The following FANCC variants were observed in gnomAD, a reference collection of about 807,000 sequenced individuals.
FANCC encodes Fanconi anemia group C protein.
Under a neutral mutation model 71.3 loss-of-function variants are expected in FANCC, and 55 were observed. That is an observed-to-expected ratio of 0.77 (90% CI 0.62 to 0.97). The LOEUF (loss-of-function observed/expected upper bound fraction) is 0.97, where lower values mean the gene tolerates loss of function less well. Among genes scored for constraint, FANCC ranks in the 50% least tolerant of loss-of-function variants. The pLI, the probability that FANCC is intolerant of heterozygous loss-of-function variation, is 0.00. For missense variants in FANCC, 678 were observed against 670.9 expected (o/e 1.01, Z -0.12); for synonymous variants, 275 against 244.9 (o/e 1.12, Z -1.15).
intron 11 of FANCC, among the ~76,000 whole-genome samples, chr9:95,117,106 CT>C (rs553781865): frequency 1.4e-4 from 22 of 152,258 alleles, no homozygotes; most frequent in African/African-American, 4.8e-4. Flanking sequence ...TTGTTTTCTT[CT>C]TTTGGTAAGT....
intron 1 of FANCC, among the ~76,000 whole-genome samples, chr9:95,295,549 A>C (rs1588432181): frequency 6.6e-6 from 1 of 152,292 alleles, no homozygotes; most frequent in Middle Eastern, 3.4e-3. Context: ...ATAAGAGAGG[A>C]TCATCTGAGG....
At chr9:95,254,435 G>A (rs1297103001) in intron 1 of FANCC, among the ~76,000 whole-genome samples, 1 of 152,200 alleles carries the variant, frequency 6.6e-6, no homozygotes, top group African/African-American at 2.4e-5. Flanking sequence ...AGGGTGAGCA[G>A]AAGCCAGGTG....
intron 6 of FANCC, among the ~76,000 whole-genome samples, chr9:95,152,740 G>A (rs980629563): frequency 2.0e-5 from 3 of 152,044 alleles, no homozygotes; most frequent in Admixed American, 6.6e-5. Flanking sequence ...TCCATCACCC[G>A]AGTAGACTGC....
At chr9:95,186,844 T>G (rs1244120109) in intron 4 of FANCC, among the ~76,000 whole-genome samples, 2 of 146,578 alleles carry the variant, frequency 1.4e-5, no homozygotes, top group Middle Eastern at 3.7e-3. Context: ...CAGGCTGGAG[T>G]GCAGTGGCGT....
chr9:95,115,028 C>A (rs948335827), intron 11 of FANCC, among the ~76,000 whole-genome samples: 2 of 152,190 alleles, frequency 1.3e-5, no homozygotes, highest in African/African-American at 4.8e-5. Flanking sequence ...GCAGCCCCAA[C>A]CTCCTGGGCT....
intron 1 of FANCC, among the ~76,000 whole-genome samples, chr9:95,282,494 T>C (rs1833437498): frequency 6.6e-6 from 1 of 152,074 alleles, no homozygotes; most frequent in South Asian, 2.1e-4. Context: ...GTAGAAGAGT[T>C]TAACACCCTA....
chr9:95,194,021 G>A (rs974978264), intron 4 of FANCC, among the ~76,000 whole-genome samples: 1 of 152,166 alleles, frequency 6.6e-6, no homozygotes, highest in Admixed American at 6.5e-5. Context: ...AGTACCATTA[G>A]TGACCCTGAG....
chr9:95,182,557 A>C (rs1245814326), intron 4 of FANCC, among the ~76,000 whole-genome samples: 4 of 152,144 alleles, frequency 2.6e-5, no homozygotes. Context: ...TCCCTTATTT[A>C]TTCATTCAAC....
At chr9:95,149,332 G>A (rs1829969813) in intron 7 of FANCC, among the ~76,000 whole-genome samples, 1 of 151,956 alleles carries the variant, frequency 6.6e-6, no homozygotes, top group Admixed American at 6.6e-5. Flanking sequence ...GTAACTACTG[G>A]GGACTGAGCT....
At chr9:95,290,841 A>G (rs1393603598) in intron 1 of FANCC, among the ~76,000 whole-genome samples, 1 of 152,220 alleles carries the variant, frequency 6.6e-6, no homozygotes, top group African/African-American at 2.4e-5. Context: ...CAACACTAGC[A>G]AACAGAATTC....
intron 13 of FANCC, among the ~76,000 whole-genome samples, chr9:95,108,061 T>G (rs4647538): frequency 7.2e-5 from 11 of 152,226 alleles, no homozygotes; most frequent in Non-Finnish European, 1.5e-4. Flanking sequence ...TGAACAGCTA[T>G]GTTCCATCAC....
At chr9:95,236,065 C>G (rs1199777751) in intron 4 of FANCC, among the ~76,000 whole-genome samples, 1 of 152,108 alleles carries the variant, frequency 6.6e-6, no homozygotes, top group Non-Finnish European at 1.5e-5. Context: ...CAGACGCTAT[C>G]TGGATATTGC....
intron 13 of FANCC, chr9:95,110,419 A>G: frequency 2.0e-6 from 2 of 1,025,252 alleles, no homozygotes; most frequent in Non-Finnish European, 2.3e-6. Flanking sequence ...ATCAACCAGG[A>G]TTTTCCTTAG....
In FANCC at chr9:95,107,143, G is replaced by T. The variant is rs761050718; in HGVS notation, c.1456C>A (p.Leu486Met). ...DTDLRAPAQQLIRHLLLNFLL... is the reference protein window; with the variant it reads ...DTDLRAPAQQMIRHLLLNFLL... Reference sequence around the variant, plus strand: ...AAGTTGAGGAGAAGGTGCCTGATCAGCTGTTGTGCAGGAGCTCTGAGGTCT... The same window carrying T: ...AAGTTGAGGAGAAGGTGCCTGATCATCTGTTGTGCAGGAGCTCTGAGGTCT... The change falls in exon 14 of 15, where the codon CTG (leucine) becomes ATG (methionine). Residue 486 changes from leucine to methionine, a missense_variant. Leu to Met is a conservative substitution (Grantham distance 15). Coordinates refer to ENST00000289081, the MANE Select transcript of FANCC (RefSeq NM_000136.3). The T allele has an allele frequency of 2.5e-6, 4 of 1,614,112 alleles. No individual in the cohort carries two copies. Among genetic ancestry groups the T allele is most frequent in the Non-Finnish European group, 8.5e-7 (1 of 1,180,052 alleles).
At position 95,304,626 on chromosome 9, in the gene FANCC, T is replaced by TG. The variant is rs1386359529; in HGVS notation, c.-79+12899dup. Among the ~76,000 whole-genome samples, 6 of 151,378 alleles carry TG rather than the reference T, an allele frequency of 4.0e-5. No homozygotes were observed. The East Asian group carries it at 1.2e-3, about 29-fold the overall frequency. On this transcript the variant is annotated intron_variant, in intron 1 of 14. Transcript: ENST00000289081. ...ATAGGTGGGCGTGGTGGCGAGCGCC[T>TG]GTAATCCCAGCTACTTTGGAGGCTG...
chr9:95,251,034 C>G (rs1453078041), intron 1 of FANCC, among the ~76,000 whole-genome samples: 3 of 152,324 alleles, frequency 2.0e-5, no homozygotes, highest in African/African-American at 7.2e-5. Context: ...CTCCCCAGCT[C>G]ACCACGGTCC....
intron 9 of FANCC, among the ~76,000 whole-genome samples, 186 bp downstream of exon 9, chr9:95,126,343 C>T (rs564770652): frequency 6.6e-6 from 1 of 152,270 alleles, no homozygotes; most frequent in East Asian, 1.9e-4. Flanking sequence ...AGGCACTGGC[C>T]TTTAAATTTA....
At chr9:95,102,914 A>AGCCC (rs2071173587) in intron 14 of FANCC, among the ~76,000 whole-genome samples, 1 of 152,082 alleles carries the variant, frequency 6.6e-6, no homozygotes, top group Non-Finnish European at 1.5e-5. Flanking sequence ...GCCTGCAACG[A>AGCCC]GCCCGCCAGG....
intron 6 of FANCC, 84 bp from the exon 7 acceptor site, chr9:95,150,171 T>C: frequency 6.9e-7 from 1 of 1,443,090 alleles, no homozygotes; most frequent in Non-Finnish European, 9.7e-7. Context: ...GCTAAAAAGG[T>C]CAAAGACAGA....
Sources: allele counts gnomAD v4.1 joint callset (sites outside exome capture counted in the v4.1 genomes callset), GRCh38; gene constraint gnomAD v4.1.1; transcripts MANE v1.5; gene names NCBI Gene and HGNC (gene_info 2026-07-23, HGNC 2026-07-21).